Variants in PSPC1 observed in about 807,000 individuals in gnomAD.
The protein encoded by PSPC1 is paraspeckle protein 1.
In PSPC1, 14 loss-of-function variants were observed where a neutral mutation model predicts 51.6. The observed-to-expected ratio is 0.27, with a 90% CI of 0.18 to 0.42. PSPC1 has a LOEUF of 0.42. PSPC1 is among the 10% of genes least tolerant of loss of function. The probability of loss-of-function intolerance (pLI) is 1.00; values close to 1 mark genes in which losing one functional copy is unlikely to be tolerated. For missense variants in PSPC1, 406 were observed against 701.1 expected, an observed-to-expected ratio of 0.58 and a Z score of 4.75; for synonymous variants, 193 against 231.9, an observed-to-expected ratio of 0.83 and a Z score of 1.53.
At chr13:19,672,566 A>ATATTCAAGTTACCCAAGC (rs900570589), downstream of PSPC1, 2 of 152,044 alleles carry the variant, frequency 1.3e-5, no homozygotes, top group African/African-American at 4.9e-5. Context: ...GAGCCATGTT[A>ATATTCAAGTTACCCAAGC]TATTCAAGTT....
At chr13:19,680,148 G>A (rs540383285) in intron 6 of PSPC1, among the ~76,000 whole-genome samples, 13 of 152,108 alleles carry the variant, frequency 8.5e-5, no homozygotes, top group Admixed American at 1.3e-4. Context: ...CCAAGTAGCC[G>A]GGACTACAGG....
chr13:19,749,865 A>T (rs1424384262), intron 4 of PSPC1, among the ~76,000 whole-genome samples: 7 of 152,128 alleles, frequency 4.6e-5, no homozygotes, highest in Admixed American at 2.6e-4. Flanking sequence ...AAGTGAACTT[A>T]TAGAACTACC....
intron 3 of PSPC1, among the ~76,000 whole-genome samples, chr13:19,752,045 G>A (rs1225519901): frequency 1.3e-5 from 2 of 152,054 alleles, no homozygotes; most frequent in African/African-American, 2.4e-5. Flanking sequence ...GTGACAGAGC[G>A]AGACTCCGTC....
At chr13:19,759,735 G>C (rs1887432341) in intron 2 of PSPC1, among the ~76,000 whole-genome samples, 1 of 151,972 alleles carries the variant, frequency 6.6e-6, no homozygotes, top group Non-Finnish European at 1.5e-5. Context: ...TGTGGTGTGT[G>C]CCTGTAATCC....
intron 8 of PSPC1, among the ~76,000 whole-genome samples, chr13:19,704,902 A>C (rs996595137): frequency 1.8e-4 from 27 of 152,292 alleles, no homozygotes; most frequent in Non-Finnish European, 2.9e-4. Flanking sequence ...AATACACAAA[A>C]ACTTTAATGT....
chr13:19,688,930 C>A, intron 6 of PSPC1, among the ~76,000 whole-genome samples: 1 of 143,976 alleles, frequency 6.9e-6, no homozygotes. Flanking sequence ...CATTTTAATA[C>A]ATAAGTTACT....
In PSPC1 at chr13:19,781,494, TGAA is replaced by T. The variant is rs1347461778; in HGVS notation, c.372+889_372+891del. ...TACTGGGATATGTATCAGTAATTTA[TGAA>T]GTAGTACTGTGTATCAACTATTCTC... On this transcript the variant is annotated intron_variant, in intron 1 of 8. Coordinates refer to ENST00000338910, the MANE Select transcript of PSPC1 (RefSeq NM_001354909.2). 2.6e-5 allele frequency among the ~76,000 whole-genome samples: 4 copies of T among 152,206 alleles called. No homozygotes were observed. In the East Asian group the frequency reaches 7.7e-4, roughly 29 times the overall value.
At chr13:19,717,402 C>A (rs1049677695) in intron 6 of PSPC1, among the ~76,000 whole-genome samples, 1 of 150,462 alleles carries the variant, frequency 6.6e-6, no homozygotes, top group African/African-American at 2.4e-5. Context: ...CCCATAAATA[C>A]TAAAAATACA....
At chr13:19,777,928 A>T (rs563424033) in intron 1 of PSPC1, among the ~76,000 whole-genome samples, 3 of 151,032 alleles carry the variant, frequency 2.0e-5, no homozygotes, top group Admixed American at 6.6e-5. Flanking sequence ...CCTGGGCGAC[A>T]GAGTGAGACT....
intron 1 of PSPC1, among the ~76,000 whole-genome samples, chr13:19,780,609 G>T (rs1273858934): frequency 1.7e-5 from 2 of 120,200 alleles, no homozygotes; most frequent in Non-Finnish European, 3.5e-5. Flanking sequence ...ATGCTTGAAG[G>T]CAGCATGCTC....
chr13:19,744,983 C>T (rs1885815013), intron 4 of PSPC1, among the ~76,000 whole-genome samples: 1 of 152,154 alleles, frequency 6.6e-6, no homozygotes, highest in Non-Finnish European at 1.5e-5. Flanking sequence ...ACTTACTAAA[C>T]CAAATAACAC....
chr13:19,700,382 A>C (rs1265187389), downstream of PSPC1, among the ~76,000 whole-genome samples: 1 of 152,080 alleles, frequency 6.6e-6, no homozygotes, highest in African/African-American at 2.4e-5. Context: ...TGTTCCCCTA[A>C]TATTATTGAT....
At chr13:19,695,344 T>A (rs1261258685) in intron 6 of PSPC1, among the ~76,000 whole-genome samples, 2 of 152,172 alleles carry the variant, frequency 1.3e-5, no homozygotes, top group African/African-American at 2.4e-5. Context: ...CAAAGCAGAA[T>A]CTAAGAATGT....
At position 19,782,203 on chromosome 13, in the gene PSPC1, C is replaced by T. The variant is rs1890051186; in HGVS notation, c.372+183G>A. Among the ~76,000 whole-genome samples, 1 of 152,200 alleles carries T rather than the reference C, an allele frequency of 6.6e-6. No individual in the cohort carries two copies. The highest frequency in any genetic ancestry group is 2.1e-4 in the South Asian group (1 of 4,822). On this transcript the variant is annotated intron_variant, in intron 1 of 8. Coordinates refer to ENST00000338910, the MANE Select transcript of PSPC1 (RefSeq NM_001354909.2). The surrounding 1 kb of genome is among the most constrained non-coding windows in gnomAD (Gnocchi z 4.5). The stretch of plus-strand genomic sequence containing the variant: ...GCAGGAAATCCCGGGACCGTGAACT[C>T]GAAACCAAAGGCGCCGAGCTGGGGA...
intron 6 of PSPC1, among the ~76,000 whole-genome samples, chr13:19,688,343 C>T (rs1230658341): frequency 6.6e-6 from 1 of 152,024 alleles, no homozygotes; most frequent in African/African-American, 2.4e-5. Flanking sequence ...TCCTGTCACA[C>T]GATGCTCCCA....
chr13:19,707,316 C>T (rs1168310082), intron 7 of PSPC1, among the ~76,000 whole-genome samples: 3 of 152,140 alleles, frequency 2.0e-5, no homozygotes, highest in African/African-American at 7.2e-5. Flanking sequence ...TTAGTATTCA[C>T]ATCTTCCACC....
chr13:19,673,117 C>A (rs1479285646), downstream of PSPC1: 2 of 445,622 alleles, frequency 4.5e-6, no homozygotes, highest in Admixed American at 2.5e-5. Flanking sequence ...TTTTGAAAAG[C>A]CAGACCTTGT....
At chr13:19,687,711 T>G (rs1287300446) in intron 6 of PSPC1, among the ~76,000 whole-genome samples, 1 of 152,154 alleles carries the variant, frequency 6.6e-6, no homozygotes. Context: ...TCTTGATTTC[T>G]GCCCTTCTTC....
At chr13:19,671,964 G>A (rs1876155497), downstream of PSPC1, 1 of 1,366,646 alleles carries the variant, frequency 7.3e-7, no homozygotes, top group South Asian at 1.2e-5. Context: ...GCACATCTAT[G>A]TAAAGTTTTG....
Sources: gnomAD v4.1 joint callset for allele counts (sites outside exome capture counted in the v4.1 genomes callset) on GRCh38, gnomAD v4.1.1 for gene constraint, Gnocchi (gnomAD v3.1) non-coding constraint, MANE v1.5 for transcripts, NCBI Gene and HGNC (gene_info 2026-07-23, HGNC 2026-07-21) for gene names.